Variants in DIRAS2 observed in about 807,000 individuals in gnomAD.
The protein encoded by DIRAS2 is DIRAS family GTPase 2.
Under a neutral mutation model 13.9 loss-of-function variants are expected in DIRAS2, and 5 were observed. The observed-to-expected ratio is 0.36, with a 90% confidence interval of 0.19 to 0.76. DIRAS2 has a LOEUF of 0.76. Among genes scored for constraint, DIRAS2 ranks in the 30% least tolerant of loss-of-function variants. The pLI is 0.53. For missense variants in DIRAS2, 191 were observed against 263.0 expected, an observed-to-expected ratio of 0.73 and a Z score of 1.89; for synonymous variants, 111 against 105.4, an observed-to-expected ratio of 1.05 and a Z score of -0.33.
At position 90,613,420 on chromosome 9, in the gene DIRAS2, C is replaced by G; in HGVS notation, c.408G>C (p.Ala136=). ...ACTTCCATGTGCGGGCCAAGGCCTC[C>G]GCCTCGCTGCTCTGCACCTCGCGGC... The part of the protein sequence containing the change: ...SPSREVQSSE[A]EALARTWKCA... Residue 136 remains alanine, a synonymous_variant, in exon 2 of 2, where the codon GCG becomes GCC. Coordinates refer to ENST00000375765, the MANE Select transcript of DIRAS2 (RefSeq NM_017594.5). This position sits in a 1 kb window ranked among gnomAD's most constrained non-coding sequence, Gnocchi z 5.6. The G allele has an allele frequency of 1.9e-6, 3 of 1,614,110 alleles. No homozygotes were observed. The highest frequency in any genetic ancestry group is 2.5e-6 in the Non-Finnish European group (3 of 1,180,020).
chr9:90,613,851 A>G lies in DIRAS2; in HGVS notation c.-24T>C. On this transcript the variant is annotated 5_prime_UTR_variant, in exon 2 of 2. Transcript: ENST00000375765. The surrounding 1 kb of genome is among the most constrained non-coding windows in gnomAD (Gnocchi z 5.6). ...ATGTTGCTGGAGAGCTCCAACTCTC[A>G]GCCAGGACGCACCTAGCAAAGGAAC... The G allele has an allele frequency of 1.3e-6, 2 of 1,594,046 alleles. No individual in the cohort carries two copies. Among genetic ancestry groups the G allele is most frequent in the South Asian group, 2.3e-5 (2 of 88,328 alleles).
intron 1 of DIRAS2, among the ~76,000 whole-genome samples, chr9:90,635,197 G>A (rs571090149): frequency 1.7e-4 from 26 of 152,148 alleles, no homozygotes; most frequent in Non-Finnish European, 2.6e-4. Context: ...TCTAGGCTTC[G>A]GTTAAAACAA....
At chr9:90,621,538 T>C (rs527872432) in intron 1 of DIRAS2, among the ~76,000 whole-genome samples, 2 of 152,202 alleles carry the variant, frequency 1.3e-5, no homozygotes, top group Non-Finnish European at 2.9e-5. Context: ...TTTATAAAAG[T>C]ACACTTTAAA....
chr9:90,626,994 T>G (rs145044926), intron 1 of DIRAS2, among the ~76,000 whole-genome samples: 1 of 152,238 alleles, frequency 6.6e-6, no homozygotes, highest in African/African-American at 2.4e-5. Context: ...TGGGAGGTGT[T>G]TGGATCATGG....
intron 1 of DIRAS2, among the ~76,000 whole-genome samples, chr9:90,641,725 T>C (rs1183222672): frequency 6.6e-6 from 1 of 152,164 alleles, no homozygotes; most frequent in Non-Finnish European, 1.5e-5. Context: ...TGATTTGAAA[T>C]GTAAAATGCT....
chr9:90,625,588 T>C (rs992939651), intron 1 of DIRAS2, among the ~76,000 whole-genome samples: 2 of 152,194 alleles, frequency 1.3e-5, no homozygotes, highest in African/African-American at 4.8e-5. Context: ...TCTTCCCCCA[T>C]TGAATGGTCT....
intron 1 of DIRAS2, among the ~76,000 whole-genome samples, chr9:90,639,885 T>C (rs913582372): frequency 1.3e-5 from 2 of 152,164 alleles, no homozygotes; most frequent in South Asian, 2.1e-4. Context: ...TGATAGCGCT[T>C]AGTTGGTGAT....
chr9:90,610,099 A>C lies in DIRAS2; in HGVS notation c.*3129T>G, dbSNP rs570666230. The C allele has an allele frequency of 4.3e-4, 103 of 239,968 alleles. 2 individuals are homozygous for C. In the South Asian group the frequency reaches 0.018, roughly 41 times the overall value. 14.9% of individuals were successfully genotyped at this position (239,968 alleles called of 1,614,324 possible). A position where few individuals can be genotyped will look rare whatever the true frequency, so the allele number is the denominator to read the frequency against. On this transcript the variant is annotated 3_prime_UTR_variant, in exon 2 of 2. Coordinates refer to ENST00000375765, the MANE Select transcript of DIRAS2 (RefSeq NM_017594.5). ...CCAGGATGTGTCTTCAAGGATTTAC[A>C]TGTGTCCTATTAGTTGTAGATATTT...
intron 1 of DIRAS2, among the ~76,000 whole-genome samples, chr9:90,615,362 G>A (rs1276724984): frequency 2.6e-5 from 4 of 152,118 alleles, no homozygotes; most frequent in Admixed American, 6.6e-5. Flanking sequence ...CCTCCAAGAA[G>A]CTAAGGAAAC....
rs1433853836 is a variant in DIRAS2 at position 90,613,514 on chromosome 9, C to G, written c.314G>C (p.Cys105Ser). 6.2e-7 allele frequency: 1 copy of G among 1,613,972 alleles called. No individual in the cohort carries two copies. The highest frequency in any genetic ancestry group is 1.3e-5 in the African/African-American group (1 of 74,894). The change falls in exon 2 of 2, where the codon TGC becomes TCC. Residue 105 changes from cysteine to serine, a missense_variant. Cys to Ser is a moderately radical substitution (Grantham distance 112, BLOSUM62 -1). Coordinates refer to ENST00000375765, the MANE Select transcript of DIRAS2 (RefSeq NM_017594.5). This position sits in a 1 kb window ranked among gnomAD's most constrained non-coding sequence, Gnocchi z 5.6. ...EELKPIYEQI[C>S]EIKGDVESIP... The stretch of plus-strand genomic sequence containing the variant: ...GCTCTCCACGTCCCCTTTGATCTCG[C>G]AGATTTGTTCGTAGATGGGCTTGAG...
Position 90,613,294 on chromosome 9 carries a change from G to T in DIRAS2, c.534C>A (p.Ile178=). 1.2e-6 allele frequency: 2 copies of T among 1,613,804 alleles called. No homozygotes were observed. Among genetic ancestry groups the T allele is most frequent in the South Asian group, 1.1e-5 (1 of 91,044 alleles). The change falls in exon 2 of 2, where the codon ATC becomes ATA. Residue 178 remains isoleucine (I), a synonymous_variant. Transcript: ENST00000375765. This position sits in a 1 kb window ranked among gnomAD's most constrained non-coding sequence, Gnocchi z 5.6. ...LEKRRTVSLQ[I]DGKKSKQQKR... ...TCTGCTGCTTGCTCTTTTTCCCGTC[G>T]ATCTGGAGACTCACGGTCCTGCGCT...
At chr9:90,630,561 C>A (rs1175341768) in intron 1 of DIRAS2, among the ~76,000 whole-genome samples, 1 of 152,148 alleles carries the variant, frequency 6.6e-6, no homozygotes, top group Non-Finnish European at 1.5e-5. Flanking sequence ...CTTTCCAATA[C>A]TTTACATGGA....
At chr9:90,638,208 A>C (rs1825387609) in intron 1 of DIRAS2, among the ~76,000 whole-genome samples, 1 of 152,152 alleles carries the variant, frequency 6.6e-6, no homozygotes, top group African/African-American at 2.4e-5. Context: ...TGCATCTTGA[A>C]ACTATTATGT....
chr9:90,638,563 G>A (rs111460534), intron 1 of DIRAS2, among the ~76,000 whole-genome samples: 2 of 152,116 alleles, frequency 1.3e-5, no homozygotes, highest in South Asian at 4.1e-4. Context: ...GAAGCAAAAG[G>A]CTTAGTCAAT....
At chr9:90,638,619 G>T (rs1825391681) in intron 1 of DIRAS2, among the ~76,000 whole-genome samples, 1 of 150,106 alleles carries the variant, frequency 6.7e-6, no homozygotes, top group Non-Finnish European at 1.5e-5. Flanking sequence ...AGGAGGCAAT[G>T]AAATACTCCA....
intron 1 of DIRAS2, among the ~76,000 whole-genome samples, chr9:90,622,474 T>TC (rs1260636816): frequency 5.9e-5 from 9 of 152,008 alleles, no homozygotes; most frequent in Admixed American, 4.6e-4. Context: ...TTTTTTTTTT[T>TC]CCTCTAACTC....
At chr9:90,626,412 C>T (rs1825269360) in intron 1 of DIRAS2, among the ~76,000 whole-genome samples, 1 of 149,752 alleles carries the variant, frequency 6.7e-6, no homozygotes, top group Non-Finnish European at 1.5e-5. Flanking sequence ...TCGTGTCCAG[C>T]CTGGGCACCA....
At position 90,613,935 on chromosome 9, in the gene DIRAS2, C is replaced by T; in HGVS notation, c.-36-72G>A. The stretch of plus-strand genomic sequence containing the variant: ...AAAACATTAATAAGGATAGCTCTAC[C>T]CTCTTTTGATAGCTTAAAAATGGGA... On this transcript the variant is annotated intron_variant, in intron 1 of 1. Transcript: ENST00000375765. This position sits in a 1 kb window ranked among gnomAD's most constrained non-coding sequence, Gnocchi z 5.6. The T allele has an allele frequency of 7.3e-7, 1 of 1,367,056 alleles. No individual in the cohort carries two copies. The highest frequency in any genetic ancestry group is 9.8e-7 in the Non-Finnish European group (1 of 1,020,700). The allele number at this position is 1,367,056 out of a possible 1,614,324, so 84.7% of individuals were successfully genotyped here.
intron 1 of DIRAS2, among the ~76,000 whole-genome samples, chr9:90,629,828 A>G (rs1825306995): frequency 6.6e-6 from 1 of 152,232 alleles, no homozygotes; most frequent in Non-Finnish European, 1.5e-5. Flanking sequence ...GGGCACAACC[A>G]TCTTTTATTC....
Sources: allele counts gnomAD v4.1 joint callset (sites outside exome capture counted in the v4.1 genomes callset), GRCh38; gene constraint gnomAD v4.1.1; non-coding constraint Gnocchi (gnomAD v3.1); transcripts MANE v1.5; gene names NCBI Gene and HGNC (gene_info 2026-07-23, HGNC 2026-07-21).